NEK2: variants seen among roughly 807,000 people sequenced by gnomAD.
The protein encoded by NEK2 is NIMA related kinase 2, also known as serine/threonine-protein kinase Nek2.
Under a neutral mutation model 54.1 loss-of-function variants are expected in NEK2, and 28 were observed. The ratio of observed to expected loss-of-function variants is 0.52; its 90% CI spans 0.38 to 0.71. NEK2 has a LOEUF of 0.71. NEK2 is among the 30% of genes least tolerant of loss of function. The pLI, the probability that NEK2 is intolerant of heterozygous loss-of-function variation, is 0.00. For synonymous variants in NEK2, 176 were observed against 193.1 expected (o/e 0.91, Z 0.73); for missense variants, 407 against 531.5 (o/e 0.77, Z 2.30).
At chr1:211,666,654 C>T in intron 7 of NEK2, 1 of 279,684 alleles carries the variant, frequency 3.6e-6, no homozygotes, top group Non-Finnish European at 5.4e-6. Context: ...CAAAAATTAG[C>T]CGGGCTTGGT....
At chr1:211,671,059 T>C (rs1481591683) in intron 4 of NEK2, 143 bp downstream of exon 4, 1 of 648,238 alleles carries the variant, frequency 1.5e-6, no homozygotes, top group Non-Finnish European at 2.7e-6. Context: ...CCTGTTCATC[T>C]ATCTACCTTA....
chr1:211,660,996 C>T, downstream of NEK2: 1 of 742,400 alleles, frequency 1.3e-6, no homozygotes, highest in Non-Finnish European at 2.5e-6. Context: ...AACCCACCAT[C>T]AGGGCCCGCT....
downstream of NEK2, chr1:211,658,662 T>G (rs1162321065): frequency 2.4e-6 from 1 of 420,244 alleles, no homozygotes; most frequent in Non-Finnish European, 4.6e-6. Flanking sequence ...CAAGGCTACA[T>G]TGAGCTGTGA....
chr1:211,658,513 G>A, downstream of NEK2: 2 of 286,478 alleles, frequency 7.0e-6, no homozygotes, highest in South Asian at 2.8e-5. Flanking sequence ...TAAAGGGGCT[G>A]GGCGCAATGG....
Position 211,663,345 on chromosome 1 carries a change from C to A in NEK2, c.*81G>T. The stretch of plus-strand genomic sequence containing the variant: ...GGCATGGCTCATGGAACCAAGTATT[C>A]AACACTACAGCATTTGAATATCAGT... On this transcript the variant is annotated 3_prime_UTR_variant, in exon 8 of 8. Transcript: ENST00000366999. The A allele has an allele frequency of 2.0e-6, 3 of 1,525,174 alleles. No individual in the cohort carries two copies. The highest frequency in any genetic ancestry group is 2.5e-5 in the South Asian group (2 of 80,508). The allele number at this position is 1,525,174 out of a possible 1,614,324, so 94.5% of individuals were successfully genotyped here.
chr1:211,663,222 T>A lies in NEK2; in HGVS notation c.*204A>T, dbSNP rs1655064361. 6.7e-6 allele frequency: 9 copies of A among 1,347,882 alleles called. No homozygotes were observed. Among genetic ancestry groups the A allele is most frequent in the Non-Finnish European group, 8.6e-6 (9 of 1,050,960 alleles). 83.5% of individuals were successfully genotyped at this position (1,347,882 alleles called of 1,614,324 possible). On this transcript the variant is annotated 3_prime_UTR_variant, in exon 8 of 8. Transcript: ENST00000366999. ...AAAGTATTCTTTTTATAATATGTTC[T>A]TAAAAGAAGAAAGAAAAATTAAATG...
chr1:211,671,551 A>C (rs1655393585), intron 3 of NEK2, among the ~76,000 whole-genome samples: 1 of 152,248 alleles, frequency 6.6e-6, no homozygotes, highest in Non-Finnish European at 1.5e-5. Context: ...TGAATATGAG[A>C]GACTTCTACT....
downstream of NEK2, among the ~76,000 whole-genome samples, chr1:211,659,252 AAAAAGTGT>A (rs1287451901): frequency 6.6e-6 from 1 of 152,218 alleles, no homozygotes; most frequent in African/African-American, 2.4e-5. Flanking sequence ...TTGACATACA[AAAAAGTGT>A]ATTACAGGAC....
rs747117814 is a variant in NEK2 at position 211,670,421 on chromosome 1, A to G, written c.639-14T>C. On this transcript the variant is annotated splice_polypyrimidine_tract_variant and intron_variant, in intron 4 of 7. Coordinates refer to ENST00000366999, the MANE Select transcript of NEK2 (RefSeq NM_002497.4). ...GTAAATGGAGGCCTAGGGTTAAAAA[A>G]GAAGAAGAAGACGACGAAGACATTT... 1.3e-6 allele frequency: 2 copies of G among 1,592,546 alleles called. No homozygotes were observed. Among genetic ancestry groups the G allele is most frequent in the Non-Finnish European group, 1.7e-6 (2 of 1,172,832 alleles).
intron 7 of NEK2, among the ~76,000 whole-genome samples, chr1:211,664,729 C>A (rs919162245): frequency 1.3e-5 from 2 of 152,248 alleles, no homozygotes; most frequent in African/African-American, 4.8e-5. Context: ...TGCTTTTAGA[C>A]CTTATCTCCA....
At chr1:211,664,487 G>A (rs558626534) in intron 7 of NEK2, among the ~76,000 whole-genome samples, 6 of 152,222 alleles carry the variant, frequency 3.9e-5, no homozygotes, top group African/African-American at 7.2e-5. Context: ...ATGGTAATAC[G>A]TGCTATTAGG....
chr1:211,665,233 C>T (rs1268431527), intron 7 of NEK2, among the ~76,000 whole-genome samples: 4 of 152,024 alleles, frequency 2.6e-5, no homozygotes, highest in East Asian at 1.9e-4. Flanking sequence ...GAATGGTACC[C>T]GCTCCCCACT....
At position 211,674,292 on chromosome 1, in the gene NEK2, T is replaced by A. The variant is rs2102447952; in HGVS notation, c.314+4A>T. The A allele has an allele frequency of 6.2e-7, 1 of 1,604,302 alleles. No homozygotes were observed. The highest frequency in any genetic ancestry group is 1.7e-4 in the Middle Eastern group (1 of 6,050). ...AGCTTACATTTTTAAAAGATTATGC[T>A]TACCTTTCCTTGGTTCCCTTTGTAA... On this transcript the variant is annotated splice_donor_region_variant and intron_variant, in intron 2 of 7. Transcript: ENST00000366999.
downstream of NEK2, among the ~76,000 whole-genome samples, chr1:211,658,872 T>C (rs911171581): frequency 2.0e-5 from 3 of 152,180 alleles, no homozygotes; most frequent in African/African-American, 7.2e-5. Context: ...CCTAAGATTC[T>C]TTTGATGAGA....
At chr1:211,672,904 G>A (rs1558230083) in intron 3 of NEK2, among the ~76,000 whole-genome samples, 1 of 152,048 alleles carries the variant, frequency 6.6e-6, no homozygotes, top group African/African-American at 2.4e-5. Flanking sequence ...CCCAGTGAGA[G>A]ATGACAAACG....
At chr1:211,666,483 G>A (rs1336995746) in intron 7 of NEK2, 15 of 978,826 alleles carry the variant, frequency 1.5e-5, no homozygotes, top group Non-Finnish European at 8.5e-6. Flanking sequence ...ACATACAATA[G>A]TTTTGTAAAT....
intron 7 of NEK2, among the ~76,000 whole-genome samples, chr1:211,666,174 G>C (rs925082510): frequency 2.6e-5 from 4 of 152,148 alleles, no homozygotes; most frequent in African/African-American, 9.7e-5. Flanking sequence ...ACATCTCAGT[G>C]CGGCAGAGTG....
chr1:211,666,961 T>C (rs1655199644), intron 7 of NEK2, 145 bp downstream of exon 7: 4 of 1,465,784 alleles, frequency 2.7e-6, no homozygotes, highest in Non-Finnish European at 3.6e-6. Flanking sequence ...TTTGTTTCCA[T>C]TGAAATGCAT....
chr1:211,664,896 G>A (rs1021160572), intron 7 of NEK2, among the ~76,000 whole-genome samples: 1 of 152,230 alleles, frequency 6.6e-6, no homozygotes, highest in Non-Finnish European at 1.5e-5. Flanking sequence ...GCTAGTCACA[G>A]GTGCAGCTGT....
Sources: allele counts gnomAD v4.1 joint callset (sites outside exome capture counted in the v4.1 genomes callset), GRCh38; gene constraint gnomAD v4.1.1; transcripts MANE v1.5; gene names NCBI Gene and HGNC (gene_info 2026-07-23, HGNC 2026-07-21).